DDX3Y: variants seen among roughly 807,000 people sequenced by gnomAD.
The protein encoded by DDX3Y is ATP-dependent RNA helicase DDX3Y.
In DDX3Y, 2 loss-of-function variants were observed where a neutral mutation model predicts 15.1. That is an observed-to-expected ratio of 0.13 (90% CI 0.05 to 0.42). DDX3Y has a LOEUF of 0.42. Ranked by LOEUF, DDX3Y falls within the 10% of genes least tolerant of loss-of-function variation. The pLI is 0.99. For synonymous variants in DDX3Y, 47 were observed against 45.0 expected, an observed-to-expected ratio of 1.04 and a Z score of -0.18; for missense variants, 81 against 149.9, an observed-to-expected ratio of 0.54 and a Z score of 2.40.
chrY:12,916,779 C>A, intron 14 of DDX3Y, 128 bp from the exon 15 acceptor site: 1 of 234,192 alleles, frequency 4.3e-6, no homozygotes, highest in Non-Finnish European at 6.6e-6. Context: ...CTTTCAGTAT[C>A]TTTGATTTGG....
chrY:12,914,770 C>G, intron 8 of DDX3Y, 114 bp from the exon 9 acceptor site: 1 of 267,738 alleles, frequency 3.7e-6, no homozygotes, highest in Non-Finnish European at 5.5e-6. Flanking sequence ...ACCCCTTTCA[C>G]CCACTGAAAA....
intron 2 of DDX3Y, 42 bp downstream of exon 2, chrY:12,907,636 T>G: frequency 4.7e-6 from 1 of 211,162 alleles, no homozygotes; most frequent in Non-Finnish European, 7.6e-6. Flanking sequence ...TTATCAGAGC[T>G]TAATGTTAAT....
At chrY:12,910,600 T>C in intron 3 of DDX3Y, among the ~76,000 whole-genome samples, 1 of 33,309 alleles carries the variant, frequency 3.0e-5, no homozygotes, top group African/African-American at 1.2e-4. Flanking sequence ...TTTGGACTTT[T>C]AGAATTTGAG....
At chrY:12,913,364 C>CT (rs2053635568) in intron 6 of DDX3Y, among the ~76,000 whole-genome samples, 1 of 33,080 alleles carries the variant, frequency 3.0e-5, no homozygotes, top group Non-Finnish European at 7.4e-5. Context: ...CATTTTTGTA[C>CT]TTTTAGTAGA....
rs2032589 is a variant in DDX3Y at position 12,919,197 on chromosome Y, T to TG, written c.*1076dup. The TG allele has an allele frequency of 2.9e-5, 1 of 34,260 alleles. No homozygotes were observed. The highest frequency in any genetic ancestry group is 2.6e-4 in the Admixed American group (1 of 3,786). 8.5% of individuals were successfully genotyped at this position (34,260 alleles called of 400,897 possible). On this transcript the variant is annotated 3_prime_UTR_variant, in exon 17 of 17. Coordinates refer to ENST00000336079, the MANE Select transcript of DDX3Y (RefSeq NM_004660.5). ...TTGAAATGTTAAAATGGCTTACACTTGCAGACTTTGCAAATCTTAAGACTA... is the reference window on the plus strand; with the variant it reads ...TTGAAATGTTAAAATGGCTTACACTTGGCAGACTTTGCAAATCTTAAGACTA...
Position 12,907,548 on chromosome Y carries a change from G to C in DDX3Y, c.57G>C (p.Leu19=). 8.0e-6 allele frequency: 3 copies of C among 374,392 alleles called. No homozygotes were observed. Among genetic ancestry groups the C allele is most frequent in the Non-Finnish European group, 1.1e-5 (3 of 267,794 alleles). The allele number at this position is 374,392 out of a possible 400,897, so 93.4% of individuals were successfully genotyped here. The part of the protein sequence containing the change: ...DPELDQQLAN[L]DLNSEKQSGG... The stretch of plus-strand genomic sequence containing the variant: ...GATATCTCTTCTAGCTTGCTAATCT[G>C]GACCTGAACTCTGAAAAACAGAGTG... The change falls in exon 2 of 17, where the codon CTG becomes CTC. Residue 19 remains leucine, a synonymous_variant. Coordinates refer to ENST00000336079, the MANE Select transcript of DDX3Y (RefSeq NM_004660.5).
chrY:12,907,375 G>A (rs899459160), intron 1 of DDX3Y, among the ~76,000 whole-genome samples, 162 bp from the exon 2 acceptor site: 1 of 33,961 alleles, frequency 2.9e-5, no homozygotes, highest in African/African-American at 1.2e-4. Context: ...ATTTGTCATG[G>A]TTGGTAGACC....
chrY:12,917,604 T>C lies in DDX3Y; in HGVS notation c.1903+62T>C, dbSNP rs778011010. On this transcript the variant is annotated intron_variant, in intron 16 of 16. Transcript: ENST00000336079. Reference sequence around the variant, plus strand: ...TTTTCTTTTTTTTTTTTTTTTGAGATGGAGTCCCACTCTGTCACTCAAGCT... The same window carrying C: ...TTTTCTTTTTTTTTTTTTTTTGAGACGGAGTCCCACTCTGTCACTCAAGCT... The C allele has an allele frequency of 3.1e-5, 9 of 288,719 alleles. No individual in the cohort carries two copies. In the South Asian group the frequency reaches 4.0e-4, roughly 13 times the overall value. The allele number at this position is 288,719 out of a possible 400,897, so 72.0% of individuals were successfully genotyped here.
upstream of DDX3Y, chrY:12,904,351 C>T (rs2053604839): frequency 2.7e-5 from 1 of 36,467 alleles, no homozygotes; most frequent in African/African-American, 1.2e-4. Context: ...ATCCCGTAAC[C>T]CTTATCTATC....
At chrY:12,914,783 A>C in intron 8 of DDX3Y, 101 bp from the exon 9 acceptor site, 1 of 282,410 alleles carries the variant, frequency 3.5e-6, no homozygotes, top group Non-Finnish European at 5.2e-6. Flanking sequence ...ACTGAAAATA[A>C]GTTTGTAGAT....
chrY:12,905,220 G>A, intron 1 of DDX3Y, among the ~76,000 whole-genome samples: 3 of 34,005 alleles, frequency 8.8e-5, no homozygotes, highest in Admixed American at 7.9e-4. Context: ...TTCTGGTATA[G>A]TACTGGGCCT....
intron 1 of DDX3Y, chrY:12,905,899 A>G: frequency 1.4e-5 from 2 of 141,977 alleles, no homozygotes; most frequent in South Asian, 4.4e-5. Context: ...CGGTTTTTAT[A>G]TGGTATTGTA....
chrY:12,916,101 CT>C, intron 12 of DDX3Y, 74 bp downstream of exon 12: 2 of 350,129 alleles, frequency 5.7e-6, no homozygotes, highest in Non-Finnish European at 8.3e-6. Flanking sequence ...CCTTTCCTGT[CT>C]TTCTAAACAT....
chrY:12,911,724 A>G, intron 3 of DDX3Y, 115 bp from the exon 4 acceptor site: 1 of 197,478 alleles, frequency 5.1e-6, no homozygotes, highest in Non-Finnish European at 8.4e-6. Context: ...CTTGTAGACC[A>G]TTGGTCCCAT....
chrY:12,916,186 T>G, intron 12 of DDX3Y, 75 bp from the exon 13 acceptor site: 4 of 361,237 alleles, frequency 1.1e-5, no homozygotes, highest in Non-Finnish European at 1.6e-5. Context: ...AGGACTAGAA[T>G]TAAGCCAGTT....
At chrY:12,909,704 C>T (rs933717454) in intron 3 of DDX3Y, 2 of 45,023 alleles carry the variant, frequency 4.4e-5, no homozygotes, top group East Asian at 5.2e-4. Flanking sequence ...AAATGCCTTA[C>T]GTAAAAGAAA....
In DDX3Y at chrY:12,905,594, C is replaced by T. The variant is rs9341285; in HGVS notation, c.45+613C>T. 2.3e-4 allele frequency: 23 copies of T among 101,537 alleles called. No individual in the cohort carries two copies. In the East Asian group the frequency reaches 6.1e-3, roughly 27 times the overall value. The allele number at this position is 101,537 out of a possible 400,897, so 25.3% of individuals were successfully genotyped here. ...GTGACTATAATATAGCACAACGTAA[C>T]AAGTATCCTGTATCTTGTTTCTGGT... On this transcript the variant is annotated intron_variant, in intron 1 of 16. Coordinates refer to ENST00000336079, the MANE Select transcript of DDX3Y (RefSeq NM_004660.5).
intron 15 of DDX3Y, 63 bp from the exon 16 acceptor site, chrY:12,917,340 C>T: frequency 2.7e-6 from 1 of 369,197 alleles, no homozygotes; most frequent in Non-Finnish European, 3.8e-6. Flanking sequence ...AGGGTTTAAG[C>T]AGTAATTTTC....
intron 7 of DDX3Y, 35 bp downstream of exon 7, chrY:12,913,888 T>C (rs1308359632): frequency 2.7e-6 from 1 of 367,796 alleles, no homozygotes; most frequent in Admixed American, 8.5e-5. Context: ...AAGTTAAGAA[T>C]ACCTGATCAG....
Sources: gnomAD v4.1 joint callset for allele counts (sites outside exome capture counted in the v4.1 genomes callset) on GRCh38, gnomAD v4.1.1 for gene constraint, MANE v1.5 for transcripts, NCBI Gene and HGNC (gene_info 2026-07-23, HGNC 2026-07-21) for gene names.